The following PLA2G4A variants were observed in gnomAD, a reference collection of about 807,000 sequenced individuals.
PLA2G4A encodes the protein phospholipase A2 group IVA.
PLA2G4A carries 40 observed loss-of-function variants against 81.9 expected under a neutral mutation model. The ratio of observed to expected loss-of-function variants is 0.49; its 90% CI spans 0.38 to 0.64. The LOEUF (loss-of-function observed/expected upper bound fraction) is 0.64, where lower values mean the gene tolerates loss of function less well. Ranked by LOEUF, PLA2G4A falls within the 30% of genes least tolerant of loss-of-function variation. The pLI is 0.00. For missense variants in PLA2G4A, 715 were observed against 905.1 expected, an observed-to-expected ratio of 0.79 and a Z score of 2.69; for synonymous variants, 302 against 296.9, an observed-to-expected ratio of 1.02 and a Z score of -0.18.
rs202156146 is a variant in PLA2G4A, at chr1:186,914,258, T to TTA, written c.558+2879_558+2880dup. On this transcript the variant is annotated intron_variant, in intron 7 of 17. Transcript: ENST00000367466. ...GTGCATGCCACTACACCCAGAAAAT[T>TTA]TATATATATATGTTTTTTTCTTTCT... 2.1e-3 allele frequency among the ~76,000 whole-genome samples: 188 copies of TTA among 91,116 alleles called. 1 individual carries two copies. Among genetic ancestry groups the TTA allele is most frequent in the African/African-American group, 8.1e-3 (175 of 21,702 alleles). The allele number at this position is 91,116 out of a possible 152,430, so 59.8% of individuals were successfully genotyped here.
intron 17 of PLA2G4A, among the ~76,000 whole-genome samples, chr1:186,984,371 A>G (rs1354039528): frequency 1.3e-5 from 2 of 152,178 alleles, no homozygotes; most frequent in African/African-American, 4.8e-5. Context: ...ACAGGAAAAT[A>G]TATGGTTTCC....
chr1:186,921,001 A>C (rs1443681099), intron 7 of PLA2G4A, among the ~76,000 whole-genome samples: 1 of 152,236 alleles, frequency 6.6e-6, no homozygotes. Flanking sequence ...AGGAGTGTAC[A>C]TAGGGTAAGC....
At chr1:186,859,999 G>A (rs1571341718) in intron 2 of PLA2G4A, among the ~76,000 whole-genome samples, 2 of 152,198 alleles carry the variant, frequency 1.3e-5, no homozygotes, top group Non-Finnish European at 2.9e-5. Flanking sequence ...GAAAGTGGTA[G>A]AACTATTATT....
At chr1:186,944,772 T>C (rs926569044) in intron 10 of PLA2G4A, among the ~76,000 whole-genome samples, 10 of 152,136 alleles carry the variant, frequency 6.6e-5, no homozygotes, top group African/African-American at 2.4e-4. Flanking sequence ...TTTGGAGATA[T>C]AAAGATACTC....
At chr1:186,904,170 G>C (rs1186977353) in intron 5 of PLA2G4A, among the ~76,000 whole-genome samples, 1 of 152,110 alleles carries the variant, frequency 6.6e-6, no homozygotes, top group African/African-American at 2.4e-5. Flanking sequence ...CTTTCCGCTG[G>C]GGAATTTAAA....
chr1:186,987,030 C>G (rs1418352929), intron 17 of PLA2G4A, among the ~76,000 whole-genome samples: 6 of 152,210 alleles, frequency 3.9e-5, no homozygotes, highest in African/African-American at 1.4e-4. Flanking sequence ...TATAAAAGAA[C>G]CACATTCCTG....
chr1:186,942,915 A>G (rs1386019893), intron 10 of PLA2G4A, among the ~76,000 whole-genome samples: 1 of 152,168 alleles, frequency 6.6e-6, no homozygotes, highest in Non-Finnish European at 1.5e-5. Flanking sequence ...GATTTAGACA[A>G]AATCATTAAA....
chr1:186,986,824 A>C (rs994964145), intron 17 of PLA2G4A, among the ~76,000 whole-genome samples: 3 of 152,224 alleles, frequency 2.0e-5, no homozygotes, highest in Admixed American at 6.5e-5. Flanking sequence ...ACAGCCAAGA[A>C]GTGTTTGTGC....
chr1:186,932,883 C>A lies in PLA2G4A; in HGVS notation c.679C>A (p.Leu227Ile). Residue 227 changes from leucine (L) to isoleucine (I), a missense_variant, in exon 8 of 18, where the codon CTT becomes ATT. By Grantham distance (5) the Leu-to-Ile change is conservative (BLOSUM62 2). Transcript: ENST00000367466. ...ILDCATYVAG[L>I]SGSTWYMSTL... ...GGATTGTGCTACCTACGTTGCTGGT[C>A]TTTCTGGCTCCACCTGGTTAGTATA... is the stretch of plus-strand genomic sequence containing the variant. 1 of 1,611,508 alleles carries A rather than the reference C, an allele frequency of 6.2e-7. No homozygotes were observed. The highest frequency in any genetic ancestry group is 1.1e-5 in the South Asian group (1 of 91,018).
intron 8 of PLA2G4A, 41 bp from the exon 9 acceptor site, chr1:186,938,967 T>C: frequency 9.8e-7 from 1 of 1,021,930 alleles, no homozygotes; most frequent in Admixed American, 1.7e-5. Flanking sequence ...TGTTGTGTAA[T>C]GCTCTTTATC....
At chr1:186,987,314 G>A (rs1420304795) in intron 17 of PLA2G4A, among the ~76,000 whole-genome samples, 1 of 152,236 alleles carries the variant, frequency 6.6e-6, no homozygotes. Context: ...AGTGAGAGGA[G>A]GCCATAGCGT....
At chr1:186,866,145 C>A (rs1283289926) in intron 2 of PLA2G4A, among the ~76,000 whole-genome samples, 1 of 152,146 alleles carries the variant, frequency 6.6e-6, no homozygotes, top group Non-Finnish European at 1.5e-5. Context: ...TGAGATATAA[C>A]CAAACATCTC....
At chr1:186,987,241 G>A (rs1303214977) in intron 17 of PLA2G4A, among the ~76,000 whole-genome samples, 1 of 152,218 alleles carries the variant, frequency 6.6e-6, no homozygotes, top group Non-Finnish European at 1.5e-5. Flanking sequence ...GAGCTTGCAC[G>A]TGGTAATGGG....
intron 6 of PLA2G4A, among the ~76,000 whole-genome samples, chr1:186,908,968 C>CTTTTTTT (rs1201226836): frequency 1.2e-3 from 93 of 75,080 alleles, no homozygotes; most frequent in Non-Finnish European, 1.7e-3. Context: ...CTTTTCTTTT[C>CTTTTTTT]TTTTTTTTTT....
chr1:186,930,352 T>G (rs541436328), intron 7 of PLA2G4A, among the ~76,000 whole-genome samples: 1 of 152,278 alleles, frequency 6.6e-6, no homozygotes, highest in East Asian at 1.9e-4. Flanking sequence ...GAACAGCAGG[T>G]TACCTAACAT....
At chr1:186,855,256 T>C (rs1053940951) in intron 2 of PLA2G4A, among the ~76,000 whole-genome samples, 6 of 151,918 alleles carry the variant, frequency 3.9e-5, no homozygotes, top group Admixed American at 6.6e-5. Flanking sequence ...AACTCTTCAG[T>C]CCCCCCACTC....
At chr1:186,859,328 G>T (rs1571341206) in intron 2 of PLA2G4A, among the ~76,000 whole-genome samples, 1 of 152,048 alleles carries the variant, frequency 6.6e-6, no homozygotes, top group Non-Finnish European at 1.5e-5. Flanking sequence ...ATCATTACGA[G>T]GTGCCTTCCA....
chr1:186,914,117 T>C (rs1293516358), intron 7 of PLA2G4A, among the ~76,000 whole-genome samples: 2 of 151,790 alleles, frequency 1.3e-5, no homozygotes, highest in African/African-American at 2.4e-5. Flanking sequence ...TGAGACAGGG[T>C]TTTGCTTTGT....
Position 186,911,271 on chromosome 1 carries a change from G to A in PLA2G4A, c.440G>A (p.Ser147Asn). ...AGCTCATGCCCAGACCTACGATTTA[G>A]TATGGCTCTGTGTGATCAGGAGAAG... is the stretch of plus-strand genomic sequence containing the variant. Reference protein sequence around the residue: ...EVCSCPDLRFSMALCDQEKTF... With the variant: ...EVCSCPDLRFNMALCDQEKTF... Residue 147 changes from serine to asparagine, a missense_variant, in exon 7 of 18, where the codon AGT becomes AAT. Ser to Asn is a conservative substitution (Grantham distance 46). Coordinates refer to ENST00000367466, the MANE Select transcript of PLA2G4A (RefSeq NM_024420.3). 6.2e-7 allele frequency: 1 copy of A among 1,612,810 alleles called. No individual in the cohort carries two copies. The highest frequency in any genetic ancestry group is 2.2e-5 in the East Asian group (1 of 44,854).
Sources: gnomAD v4.1 joint callset for allele counts (sites outside exome capture counted in the v4.1 genomes callset) on GRCh38, gnomAD v4.1.1 for gene constraint, MANE v1.5 for transcripts, NCBI Gene and HGNC (gene_info 2026-07-23, HGNC 2026-07-21) for gene names.